The following HS6ST3 variants were observed in gnomAD, a reference collection of about 807,000 sequenced individuals.
HS6ST3 encodes heparan sulfate 6-O-sulfotransferase 3.
In HS6ST3, 12 loss-of-function variants were observed where a neutral mutation model predicts 36.7. The ratio of observed to expected loss-of-function variants is 0.33; its 90% confidence interval spans 0.21 to 0.53. The LOEUF (loss-of-function observed/expected upper bound fraction) is 0.53. Ranked by LOEUF, HS6ST3 falls within the 20% of genes least tolerant of loss-of-function variation. The pLI is 0.95. For synonymous variants in HS6ST3, 240 were observed against 257.5 expected, an observed-to-expected ratio of 0.93 and a Z score of 0.65; for missense variants, 584 against 640.9, an observed-to-expected ratio of 0.91 and a Z score of 0.96.
At chr13:96,552,284 C>G (rs2056222264) in intron 1 of HS6ST3, among the ~76,000 whole-genome samples, 1 of 152,308 alleles carries the variant, frequency 6.6e-6, no homozygotes, top group East Asian at 1.9e-4. Context: ...TGACCACCGC[C>G]TCATAGGATC....
At chr13:96,635,388 C>A (rs535968429) in intron 1 of HS6ST3, among the ~76,000 whole-genome samples, 1 of 152,218 alleles carries the variant, frequency 6.6e-6, no homozygotes, top group Non-Finnish European at 1.5e-5. Flanking sequence ...CTCATTTCTG[C>A]TATTCCATGC....
intron 1 of HS6ST3, among the ~76,000 whole-genome samples, chr13:96,289,851 T>G (rs1483168183): frequency 1.3e-5 from 2 of 152,052 alleles, no homozygotes; most frequent in East Asian, 3.9e-4. Flanking sequence ...ATCTGTGAGG[T>G]GCAAACCCAG....
intron 1 of HS6ST3, among the ~76,000 whole-genome samples, chr13:96,542,354 CT>C (rs1390984683): frequency 6.6e-6 from 1 of 152,144 alleles, no homozygotes; most frequent in Non-Finnish European, 1.5e-5. Flanking sequence ...AATAGAGTCA[CT>C]TGGGCTCCTT....
At chr13:96,352,421 C>T (rs2055188195) in intron 1 of HS6ST3, among the ~76,000 whole-genome samples, 1 of 152,184 alleles carries the variant, frequency 6.6e-6, no homozygotes, top group Non-Finnish European at 1.5e-5. Flanking sequence ...TCAGTTCCTT[C>T]CCTGTGGGCC....
At chr13:96,127,056 G>A (rs1344530162) in intron 1 of HS6ST3, among the ~76,000 whole-genome samples, 1 of 152,126 alleles carries the variant, frequency 6.6e-6, no homozygotes, top group Non-Finnish European at 1.5e-5. Flanking sequence ...AGACAATGAA[G>A]TGTTTGGCAC....
chr13:96,521,452 A>G (rs2056093195), intron 1 of HS6ST3, among the ~76,000 whole-genome samples: 1 of 152,206 alleles, frequency 6.6e-6, no homozygotes, highest in African/African-American at 2.4e-5. Flanking sequence ...TACGTCTTGT[A>G]GAATTCGGTT....
intron 1 of HS6ST3, among the ~76,000 whole-genome samples, chr13:96,447,797 GT>G (rs1424955247): frequency 6.6e-6 from 1 of 152,176 alleles, no homozygotes; most frequent in Non-Finnish European, 1.5e-5. Flanking sequence ...TGCAGTAGGA[GT>G]TTCCTCTCTT....
chr13:96,518,487 A>G (rs542449894), intron 1 of HS6ST3, among the ~76,000 whole-genome samples: 1 of 152,306 alleles, frequency 6.6e-6, no homozygotes, highest in East Asian at 1.9e-4. Flanking sequence ...TATCTTGTGT[A>G]CAAAACTATC....
intron 1 of HS6ST3, among the ~76,000 whole-genome samples, chr13:96,480,236 C>A (rs1239720818): frequency 1.3e-5 from 2 of 152,150 alleles, no homozygotes; most frequent in African/African-American, 4.8e-5. Flanking sequence ...GCCTCAGCCT[C>A]CCGAGTGGCT....
intron 1 of HS6ST3, among the ~76,000 whole-genome samples, chr13:96,794,034 C>T (rs949966034): frequency 6.6e-6 from 1 of 152,026 alleles, no homozygotes; most frequent in African/African-American, 2.4e-5. Context: ...TGATTGACTA[C>T]TGTGACATGC....
At chr13:96,609,192 G>A (rs1594817650) in intron 1 of HS6ST3, among the ~76,000 whole-genome samples, 1 of 151,990 alleles carries the variant, frequency 6.6e-6, no homozygotes, top group Admixed American at 6.5e-5. Flanking sequence ...GGATGGTCTC[G>A]ATCTCCTGAC....
intron 1 of HS6ST3, among the ~76,000 whole-genome samples, chr13:96,128,828 A>C (rs1444311952): frequency 1.3e-5 from 2 of 150,914 alleles, no homozygotes; most frequent in Non-Finnish European, 2.9e-5. Context: ...CAAGAGGTTT[A>C]TCAAAGTATT....
chr13:96,778,948 A>C (rs2138512599), intron 1 of HS6ST3, among the ~76,000 whole-genome samples: 1 of 152,330 alleles, frequency 6.6e-6, no homozygotes, highest in Admixed American at 6.5e-5. Flanking sequence ...GACTGGATAA[A>C]GAAAATGTGG....
intron 1 of HS6ST3, among the ~76,000 whole-genome samples, chr13:96,140,382 A>G (rs767534221): frequency 3.3e-5 from 5 of 152,080 alleles, no homozygotes; most frequent in Non-Finnish European, 7.4e-5. Flanking sequence ...ACAGCTGTTC[A>G]TCTCTCTGGT....
rs954126360 is a variant in HS6ST3 at position 96,163,685 on chromosome 13, T to A, written c.707+72116T>A. On this transcript the variant is annotated intron_variant, in intron 1 of 1. Coordinates refer to ENST00000376705, the MANE Select transcript of HS6ST3 (RefSeq NM_153456.4). ...TTTATAATGATAGGTATAATGATAT[T>A]TAATATATCAATAGCTTAATAAAAA... 7.2e-5 allele frequency among the ~76,000 whole-genome samples: 11 copies of A among 152,296 alleles called. 2 individuals are homozygous for A. The highest frequency in any genetic ancestry group is 2.6e-4 in the African/African-American group (11 of 41,562).
rs76995741 is a variant in HS6ST3, at chr13:96,186,673, G to A, written c.707+95104G>A. On this transcript the variant is annotated intron_variant, in intron 1 of 1. Coordinates refer to ENST00000376705, the MANE Select transcript of HS6ST3 (RefSeq NM_153456.4). ...TTTTCTATTATTTTTGACTCTGTGG[G>A]CAATTGTATAGAATGCTTCTCAGAG... 5.1e-3 allele frequency among the ~76,000 whole-genome samples: 776 copies of A among 152,218 alleles called. 13 individuals carry two copies. The East Asian group carries it at 0.066, about 13-fold the overall frequency.
At chr13:96,516,908 G>A (rs1048444840) in intron 1 of HS6ST3, among the ~76,000 whole-genome samples, 2 of 152,116 alleles carry the variant, frequency 1.3e-5, no homozygotes, top group Non-Finnish European at 2.9e-5. Context: ...GTTGGTTTTG[G>A]TTCAGAGCTA....
At chr13:96,708,948 A>G (rs1257798668) in intron 1 of HS6ST3, among the ~76,000 whole-genome samples, 2 of 152,076 alleles carry the variant, frequency 1.3e-5, no homozygotes, top group African/African-American at 2.4e-5. Flanking sequence ...TCTCTGTTTA[A>G]CTTTCTTTCT....
intron 1 of HS6ST3, among the ~76,000 whole-genome samples, chr13:96,555,551 C>T (rs2056237255): frequency 6.6e-6 from 1 of 152,074 alleles, no homozygotes; most frequent in Admixed American, 6.5e-5. Context: ...GATGGAAAAC[C>T]TACAGCGACA....
Sources: gnomAD v4.1 joint callset for allele counts (sites outside exome capture counted in the v4.1 genomes callset) on GRCh38, gnomAD v4.1.1 for gene constraint, MANE v1.5 for transcripts, NCBI Gene and HGNC (gene_info 2026-07-23, HGNC 2026-07-21) for gene names.